Variants in SVEP1 observed in about 807,000 individuals in gnomAD.
The protein encoded by SVEP1 is sushi, von Willebrand factor type A, EGF and pentraxin domain containing 1.
A neutral mutation model predicts 367.3 loss-of-function variants in SVEP1; 164 were observed. The observed-to-expected ratio is 0.45, with a 90% CI of 0.39 to 0.51. The LOEUF (loss-of-function observed/expected upper bound fraction) is 0.51. Ranked by LOEUF, SVEP1 falls within the 20% of genes least tolerant of loss-of-function variation. The pLI is 0.00. For synonymous variants in SVEP1, 1,666 were observed against 1,611.6 expected (o/e 1.03, Z -0.81); for missense variants, 4,117 against 4,425.3 (o/e 0.93, Z 1.98).
intron 15 of SVEP1, 113 bp downstream of exon 15, chr9:110,472,046 T>C: frequency 1.8e-6 from 2 of 1,123,520 alleles, no homozygotes; most frequent in Non-Finnish European, 2.5e-6. Context: ...TCCCTAATTC[T>C]CAATTCCAGA....
intron 26 of SVEP1, among the ~76,000 whole-genome samples, chr9:110,444,384 T>G (rs1828559172): frequency 6.6e-6 from 1 of 152,184 alleles, no homozygotes; most frequent in Non-Finnish European, 1.5e-5. Flanking sequence ...CTAACTATGC[T>G]GGCACCTTGA....
At position 110,468,986 on chromosome 9, in the gene SVEP1, C is replaced by G. The variant is rs748487163; in HGVS notation, c.3114G>C (p.Gly1038=). Reference sequence around the variant, plus strand: ...TTGAATGGATATATTCCGTGTACATCCCAGAGGGGCAAAGCTTGCACTCAA... The same window carrying G: ...TTGAATGGATATATTCCGTGTACATGCCAGAGGGGCAAAGCTTGCACTCAA... The part of the protein sequence containing the change: ...GQLECKLCPS[G]MYTEYIHSRN... The change falls in exon 17 of 48, where the codon GGG becomes GGC. Residue 1038 remains glycine (G), a synonymous_variant. Coordinates refer to ENST00000374469, the MANE Select transcript of SVEP1 (RefSeq NM_153366.4). 6.2e-7 allele frequency: 1 copy of G among 1,613,736 alleles called. No homozygotes were observed. Among genetic ancestry groups the G allele is most frequent in the Admixed American group, 1.7e-5 (1 of 60,012 alleles).
chr9:110,380,404 T>A (rs1827417196), intron 43 of SVEP1, among the ~76,000 whole-genome samples: 1 of 152,104 alleles, frequency 6.6e-6, no homozygotes, highest in Non-Finnish European at 1.5e-5. Context: ...GATAATAAAT[T>A]TGTATGATTT....
At chr9:110,473,009 A>G (rs1829044789) in intron 14 of SVEP1, among the ~76,000 whole-genome samples, 1 of 152,182 alleles carries the variant, frequency 6.6e-6, no homozygotes, top group South Asian at 2.1e-4. Flanking sequence ...TGATTTATAA[A>G]TTGAGATGAT....
intron 3 of SVEP1, among the ~76,000 whole-genome samples, chr9:110,529,975 G>C (rs1452853980): frequency 1.3e-5 from 2 of 151,602 alleles, no homozygotes; most frequent in Non-Finnish European, 2.9e-5. Context: ...TTCCCACTTA[G>C]TATGTTGGCT....
intron 26 of SVEP1, among the ~76,000 whole-genome samples, chr9:110,444,862 G>T (rs963657003): frequency 1.3e-5 from 2 of 152,132 alleles, no homozygotes; most frequent in Non-Finnish European, 2.9e-5. Flanking sequence ...TTGTCTCAAA[G>T]GAGGGTTTTT....
chr9:110,463,274 T>C lies in SVEP1; in HGVS notation c.3322+2591A>G, dbSNP rs545793880. Among the ~76,000 whole-genome samples the C allele has an allele frequency of 2.0e-5, 3 of 152,142 alleles. No individual in the cohort carries two copies. In the South Asian group the frequency reaches 6.2e-4, roughly 32 times the overall value. On this transcript the variant is annotated intron_variant, in intron 18 of 47. Coordinates refer to ENST00000374469, the MANE Select transcript of SVEP1 (RefSeq NM_153366.4). ...CTTATTCTTCTGATAAAAATCATTT[T>C]TAATGAATGAAAAATTTCAGACTCT...
intron 1 of SVEP1, among the ~76,000 whole-genome samples, chr9:110,563,168 T>C (rs1039656021): frequency 6.6e-6 from 1 of 152,298 alleles, no homozygotes; most frequent in South Asian, 2.1e-4. Context: ...TAAAATTCAA[T>C]TGTGGTATAT....
intron 5 of SVEP1, among the ~76,000 whole-genome samples, chr9:110,511,213 A>G (rs1215791439): frequency 1.3e-5 from 2 of 152,198 alleles, no homozygotes; most frequent in Admixed American, 1.3e-4. Context: ...AAGTGATTTT[A>G]AACTGAATAT....
At chr9:110,481,686 CT>C (rs1270784780) in intron 11 of SVEP1, among the ~76,000 whole-genome samples, 14 of 151,098 alleles carry the variant, frequency 9.3e-5, no homozygotes, top group South Asian at 4.2e-4. Context: ...AGTTAAAGTA[CT>C]TCTGACTTGG....
intron 46 of SVEP1, among the ~76,000 whole-genome samples, chr9:110,372,556 G>C (rs890545648): frequency 1.3e-5 from 2 of 152,218 alleles, no homozygotes; most frequent in Non-Finnish European, 2.9e-5. Flanking sequence ...GCTTTAAACT[G>C]CATGATTCTA....
intron 27 of SVEP1, among the ~76,000 whole-genome samples, chr9:110,439,675 C>A (rs570808234): frequency 6.6e-6 from 1 of 152,206 alleles, no homozygotes. Flanking sequence ...GCTGGGACTA[C>A]AGGTGTGAGC....
At chr9:110,477,950 T>C (rs7044669) in intron 13 of SVEP1, among the ~76,000 whole-genome samples, 44,940 of 152,036 alleles carry the variant, frequency 0.3, 6,913 homozygotes, top group Admixed American at 0.33. Flanking sequence ...CAAAGATTTA[T>C]AGTGACTTTC....
intron 36 of SVEP1, among the ~76,000 whole-genome samples, chr9:110,415,098 T>C (rs1325932327): frequency 6.6e-6 from 1 of 151,906 alleles, no homozygotes; most frequent in Non-Finnish European, 1.5e-5. Context: ...TGATAAAAGG[T>C]TTAAAAAAGA....
At chr9:110,390,231 A>AC (rs1827621709) in intron 40 of SVEP1, among the ~76,000 whole-genome samples, 3 of 137,004 alleles carry the variant, frequency 2.2e-5, no homozygotes, top group Admixed American at 1.5e-4. Flanking sequence ...ATATACTTAT[A>AC]TAAGTATGTG....
At chr9:110,526,610 A>G (rs966036013) in intron 3 of SVEP1, among the ~76,000 whole-genome samples, 3 of 152,136 alleles carry the variant, frequency 2.0e-5, no homozygotes, top group Admixed American at 6.6e-5. Context: ...CCACTCTGGA[A>G]AACATTTTGG....
intron 24 of SVEP1, among the ~76,000 whole-genome samples, chr9:110,448,106 T>C (rs1339486206): frequency 2.6e-5 from 4 of 152,130 alleles, no homozygotes; most frequent in African/African-American, 9.7e-5. Flanking sequence ...AGGACGGTGA[T>C]TACTGCTGGG....
intron 40 of SVEP1, among the ~76,000 whole-genome samples, chr9:110,396,192 A>T (rs1827755530): frequency 1.3e-5 from 2 of 152,094 alleles, no homozygotes; most frequent in Admixed American, 6.5e-5. Context: ...GTATTAAGAA[A>T]CTCACTCAAA....
chr9:110,554,505 C>G (rs1167450298), intron 1 of SVEP1, among the ~76,000 whole-genome samples: 1 of 152,102 alleles, frequency 6.6e-6, no homozygotes, highest in Non-Finnish European at 1.5e-5. Context: ...GATTTTAGGT[C>G]TATGGCATGG....
Sources: gnomAD v4.1 joint callset for allele counts (sites outside exome capture counted in the v4.1 genomes callset) on GRCh38, gnomAD v4.1.1 for gene constraint, MANE v1.5 for transcripts, NCBI Gene and HGNC (gene_info 2026-07-23, HGNC 2026-07-21) for gene names.